Variants in WIPF2 observed in about 807,000 individuals in gnomAD.
WIPF2 encodes the protein WAS/WASL interacting protein family member 2.
WIPF2 carries 23 observed loss-of-function variants against 38.8 expected under a neutral mutation model. The ratio of observed to expected loss-of-function variants is 0.59; its 90% confidence interval spans 0.43 to 0.84. WIPF2 has a LOEUF of 0.84. Among genes scored for constraint, WIPF2 ranks in the 40% least tolerant of loss-of-function variants. The pLI is 0.00. For synonymous variants in WIPF2, 210 were observed against 223.2 expected (o/e 0.94, Z 0.53); for missense variants, 574 against 580.5 (o/e 0.99, Z 0.11).
At chr17:40,238,118 A>G (rs899720253) in intron 1 of WIPF2, among the ~76,000 whole-genome samples, 13 of 151,368 alleles carry the variant, frequency 8.6e-5, no homozygotes, top group African/African-American at 2.7e-4. Context: ...TGGCCTCCCA[A>G]CGTGCTGGGA....
intron 1 of WIPF2, among the ~76,000 whole-genome samples, chr17:40,241,047 A>T (rs921259007): frequency 1.3e-5 from 2 of 152,134 alleles, no homozygotes; most frequent in African/African-American, 4.8e-5. Context: ...GTTATTCAAC[A>T]TATTCATCAG....
chr17:40,219,396 G>A lies in WIPF2; in HGVS notation c.-166G>A. The A allele has an allele frequency of 2.4e-6, 1 of 420,284 alleles. No homozygotes were observed. Among genetic ancestry groups the A allele is most frequent in the Non-Finnish European group, 4.5e-6 (1 of 221,834 alleles). The allele number at this position is 420,284 out of a possible 1,614,324, so 26.0% of individuals were successfully genotyped here. The stretch of plus-strand genomic sequence containing the variant: ...CGGCGGCGGCGGCGGCGGCGGCGGC[G>A]GCGACGGCGAGAAAGAGCTTGCCGG... On this transcript the variant is annotated 5_prime_UTR_variant, in exon 1 of 8. Transcript: ENST00000323571.
At chr17:40,222,697 T>G in intron 1 of WIPF2, among the ~76,000 whole-genome samples, 1 of 129,276 alleles carries the variant, frequency 7.7e-6, no homozygotes, top group Non-Finnish European at 1.6e-5. Context: ...TGAGACAGAG[T>G]TTCGCTCCTG....
chr17:40,235,141 C>G (rs961171645), intron 1 of WIPF2, among the ~76,000 whole-genome samples: 1 of 151,322 alleles, frequency 6.6e-6, no homozygotes, highest in Non-Finnish European at 1.5e-5. Flanking sequence ...GATGGCCGCC[C>G]GCCTCGGCCT....
intron 1 of WIPF2, among the ~76,000 whole-genome samples, chr17:40,249,501 G>C (rs1291063672): frequency 1.3e-5 from 2 of 151,436 alleles, no homozygotes; most frequent in South Asian, 4.2e-4. Flanking sequence ...CCAGGCTAGA[G>C]TGCAATGGCG....
intron 5 of WIPF2, 113 bp downstream of exon 5, chr17:40,265,259 T>C: frequency 7.7e-7 from 1 of 1,300,856 alleles, no homozygotes; most frequent in Non-Finnish European, 1.0e-6. Context: ...GTTTATTGAG[T>C]ACCTTTTTAT....
rs1400113728 is a variant in WIPF2, at chr17:40,230,698, G to A, written c.-70+11206G>A. Among the ~76,000 whole-genome samples the A allele has an allele frequency of 3.1e-4, 47 of 152,132 alleles. 1 individual carries two copies. Among genetic ancestry groups the A allele is most frequent in the Admixed American group, 3.1e-3 (47 of 15,244 alleles). Reference sequence around the variant, plus strand: ...TACCAGACTTGCTATTTAGGAAACAGAAAACCTATTTACTTTTAGTGGGAG... The same window carrying A: ...TACCAGACTTGCTATTTAGGAAACAAAAAACCTATTTACTTTTAGTGGGAG... On this transcript the variant is annotated intron_variant, in intron 1 of 7. Coordinates refer to ENST00000323571, the MANE Select transcript of WIPF2 (RefSeq NM_133264.5).
rs369387790 is a variant in WIPF2 at position 40,282,657 on chromosome 17, A to G, written c.*4432A>G. On this transcript the variant is annotated 3_prime_UTR_variant, in exon 8 of 8. Transcript: ENST00000323571. ...GGTACATTTCTCTCTTCTGGATGCC[A>G]TGCAGCTTAATTAAAACCTTGCTTA... 6.6e-6 allele frequency: 1 copy of G among 152,350 alleles called. No homozygotes were observed. Among genetic ancestry groups the G allele is most frequent in the East Asian group, 1.9e-4 (1 of 5,190 alleles). 9.4% of individuals were successfully genotyped at this position (152,350 alleles called of 1,614,324 possible).
intron 1 of WIPF2, among the ~76,000 whole-genome samples, chr17:40,232,782 G>A (rs1228652407): frequency 6.6e-6 from 1 of 150,946 alleles, no homozygotes; most frequent in Non-Finnish European, 1.5e-5. Flanking sequence ...GGAATTACAG[G>A]CATGCGCCAC....
chr17:40,255,788 C>T (rs2031706062), intron 1 of WIPF2, among the ~76,000 whole-genome samples: 2 of 151,688 alleles, frequency 1.3e-5, no homozygotes, highest in South Asian at 2.1e-4. Context: ...ACCACCACAC[C>T]GCTACTTTTT....
At chr17:40,270,365 CAAAAA>C (rs574916961) in intron 5 of WIPF2, among the ~76,000 whole-genome samples, 1 of 68,352 alleles carries the variant, frequency 1.5e-5, no homozygotes. Context: ...GACTCCGTCT[CAAAAA>C]AAAAAAAAAA....
At chr17:40,242,053 A>C (rs1350043168) in intron 1 of WIPF2, among the ~76,000 whole-genome samples, 1 of 152,206 alleles carries the variant, frequency 6.6e-6, no homozygotes, top group African/African-American at 2.4e-5. Context: ...GCTCTGACAT[A>C]GAGTTGATTT....
rs373540456 is a variant in WIPF2 at position 40,273,083 on chromosome 17, G to A, written c.971-707G>A. ...GAGTCTCTCTCTGTTGCCCAGGCTG[G>A]AGTGCAGTGGCACAATCTGGGCTCA... On this transcript the variant is annotated intron_variant, in intron 5 of 7. Transcript: ENST00000323571. Among the ~76,000 whole-genome samples, 162 of 152,242 alleles carry A rather than the reference G, an allele frequency of 1.1e-3. 3 individuals carry two copies. In the South Asian group the frequency reaches 0.033, roughly 31 times the overall value.
Position 40,282,329 on chromosome 17 carries a change from TTC to T in WIPF2, c.*4105_*4106del, listed in dbSNP as rs1392918838. ...CCTTCTCTAGTGGTCTTAAATCTCA[TTC>T]CACTGGTGGCAAGATGGGGCCTAGC... On this transcript the variant is annotated 3_prime_UTR_variant, in exon 8 of 8. Coordinates refer to ENST00000323571, the MANE Select transcript of WIPF2 (RefSeq NM_133264.5). The T allele has an allele frequency of 6.6e-6, 1 of 152,176 alleles. No individual in the cohort carries two copies. Among genetic ancestry groups the T allele is most frequent in the Non-Finnish European group, 1.5e-5 (1 of 68,040 alleles). 9.4% of individuals were successfully genotyped at this position (152,176 alleles called of 1,614,324 possible).
At position 40,280,041 on chromosome 17, in the gene WIPF2, C is replaced by A. The variant is rs1440767513; in HGVS notation, c.*1816C>A. On this transcript the variant is annotated 3_prime_UTR_variant, in exon 8 of 8. Coordinates refer to ENST00000323571, the MANE Select transcript of WIPF2 (RefSeq NM_133264.5). ...TATGGGGTCTGCTGTCCTTTGCCAT[C>A]CCCTGGACCATATTAACTCTGGGAC... 1.3e-5 allele frequency: 2 copies of A among 152,068 alleles called. No homozygotes were observed. The highest frequency in any genetic ancestry group is 2.9e-5 in the Non-Finnish European group (2 of 68,040). The allele number at this position is 152,068 out of a possible 1,614,324, so 9.4% of individuals were successfully genotyped here.
At chr17:40,248,327 G>C (rs1043892356) in intron 1 of WIPF2, among the ~76,000 whole-genome samples, 3 of 151,594 alleles carry the variant, frequency 2.0e-5, no homozygotes, top group Non-Finnish European at 4.4e-5. Context: ...ACCGTGCCTG[G>C]CTAATTTTTT....
rs545244662 is a variant in WIPF2 at position 40,267,113 on chromosome 17, T to C, written c.970+1967T>C. 1.2e-4 allele frequency among the ~76,000 whole-genome samples: 19 copies of C among 152,198 alleles called. No homozygotes were observed. In the South Asian group the frequency reaches 3.7e-3, roughly 30 times the overall value. On this transcript the variant is annotated intron_variant, in intron 5 of 7. Transcript: ENST00000323571. ...GGTGGACTAGGGAAGTGTGCTCAGA[T>C]AGGCAACCACGCGAAGGGCCCACTT...
intron 1 of WIPF2, among the ~76,000 whole-genome samples, chr17:40,242,353 G>A (rs1567713664): frequency 6.6e-6 from 1 of 152,126 alleles, no homozygotes; most frequent in Non-Finnish European, 1.5e-5. Flanking sequence ...GGGTTGTAGG[G>A]TGAGACCCTT....
In WIPF2 at chr17:40,260,664, G is replaced by T. The variant is rs771441782; in HGVS notation, c.193G>T (p.Glu65Ter). The T allele has an allele frequency of 6.2e-7, 1 of 1,613,742 alleles. No homozygotes were observed. Among genetic ancestry groups the T allele is most frequent in the Non-Finnish European group, 8.5e-7 (1 of 1,179,902 alleles). ...TAATGATCGGAGTGCTCCCATCCTC[G>T]AGAGTGAGTCCGAGCTTCATTTCCT... ...NINDRSAPIL[E>*]KPKGSSGGYG... The change falls in exon 3 of 8, where the codon GAG becomes TAG. Residue 65 changes from glutamate to a stop codon, truncating the protein, a stop_gained. Coordinates refer to ENST00000323571, the MANE Select transcript of WIPF2 (RefSeq NM_133264.5). LOFTEE classifies it high-confidence loss of function.
Sources: gnomAD v4.1 joint callset for allele counts (sites outside exome capture counted in the v4.1 genomes callset) on GRCh38, gnomAD v4.1.1 for gene constraint, MANE v1.5 for transcripts, NCBI Gene and HGNC (gene_info 2026-07-23, HGNC 2026-07-21) for gene names.